PCDHGA4: variants seen among roughly 807,000 people sequenced by gnomAD.
PCDHGA4 encodes protocadherin gamma-A4.
In PCDHGA4, 38 loss-of-function variants were observed where a neutral mutation model predicts 54.6. The ratio of observed to expected loss-of-function variants is 0.70; its 90% CI spans 0.54 to 0.91. PCDHGA4 has a LOEUF of 0.91. Among genes scored for constraint, PCDHGA4 ranks in the 40% least tolerant of loss-of-function variants. PCDHGA4 has a pLI of 0.00. For synonymous variants in PCDHGA4, 511 were observed against 512.9 expected (o/e 1.00, Z 0.05); for missense variants, 1,298 against 1,220.9 (o/e 1.06, Z -0.94).
intron 3 of PCDHGA4, 90 bp from the exon 4 acceptor site, chr5:141,510,857 A>G (rs1184962556): frequency 6.2e-7 from 1 of 1,605,538 alleles, no homozygotes; most frequent in Non-Finnish European, 8.5e-7. Flanking sequence ...AGGGTGCTGT[A>G]TAGGCATTCA....
intron 1 of PCDHGA4, chr5:141,384,514 G>A: frequency 1.2e-6 from 2 of 1,614,194 alleles, no homozygotes; most frequent in Non-Finnish European, 1.7e-6. Flanking sequence ...TGACAGCGGG[G>A]ACCCGCCTCT....
In PCDHGA4 at chr5:141,477,247, T is replaced by C; in HGVS notation, c.2515-17560T>C. On this transcript the variant is annotated intron_variant, in intron 1 of 3. Transcript: ENST00000571252. This position sits in a 1 kb window ranked among gnomAD's most constrained non-coding sequence, Gnocchi z 4.9. ...CTGTCATCGCTTTGCTCAGTGTGAC[T>C]GACCTGGATGCTGGCGAGAACGGGC... The C allele has an allele frequency of 6.2e-7, 1 of 1,614,208 alleles. No individual in the cohort carries two copies. Among genetic ancestry groups the C allele is most frequent in the Non-Finnish European group, 8.5e-7 (1 of 1,180,040 alleles).
chr5:141,429,232 G>T (rs938585192), intron 1 of PCDHGA4: 2 of 151,668 alleles, frequency 1.3e-5, no homozygotes, highest in Non-Finnish European at 2.9e-5. Flanking sequence ...TTATGATACT[G>T]CTGTCATTGA....
At chr5:141,484,863 G>T (rs561595169) in intron 1 of PCDHGA4, 136 of 273,782 alleles carry the variant, frequency 5.0e-4, no homozygotes, top group African/African-American at 2.8e-3. Context: ...GGGGGTGGGG[G>T]AGCGTGGAGG....
At chr5:141,499,025 GAAGA>G (rs1309889371) in intron 2 of PCDHGA4, among the ~76,000 whole-genome samples, 11 of 140,712 alleles carry the variant, frequency 7.8e-5, no homozygotes, top group African/African-American at 2.6e-4. Flanking sequence ...AGGAAGGAAG[GAAGA>G]AAAGAAAGAA....
intron 1 of PCDHGA4, chr5:141,388,223 A>G: frequency 6.2e-7 from 1 of 1,602,840 alleles, no homozygotes; most frequent in Non-Finnish European, 8.5e-7. Context: ...CTGAAAATCC[A>G]CTGAACTTTT....
rs1289890545 is a variant in PCDHGA4, at chr5:141,414,874, C to T, written c.2514+57253C>T. ...CCAGAACGACAATGCGCCCGAGATC[C>T]TGTACCCCGCCCTCCCCACAGACGG... is the stretch of plus-strand genomic sequence containing the variant. On this transcript the variant is annotated intron_variant, in intron 1 of 3. Transcript: ENST00000571252. 3.7e-6 allele frequency: 6 copies of T among 1,614,136 alleles called. No individual in the cohort carries two copies. The African/African-American group carries it at 8.0e-5, about 22-fold the overall frequency.
At chr5:141,470,469 A>T (rs1423801455) in intron 1 of PCDHGA4, among the ~76,000 whole-genome samples, 1 of 152,194 alleles carries the variant, frequency 6.6e-6, no homozygotes, top group Non-Finnish European at 1.5e-5. Context: ...ATTTTCTGAT[A>T]TTACTAACCC....
chr5:141,472,602 T>A (rs1032061805), intron 1 of PCDHGA4, among the ~76,000 whole-genome samples: 1 of 152,026 alleles, frequency 6.6e-6, no homozygotes, highest in South Asian at 2.1e-4. Context: ...CTTGAAATTA[T>A]AAAACAAAGA....
chr5:141,383,004 G>A, intron 1 of PCDHGA4: 1 of 1,613,698 alleles, frequency 6.2e-7, no homozygotes, highest in Non-Finnish European at 8.5e-7. Flanking sequence ...TCTACTCCGT[G>A]TCGGAGGAGA....
chr5:141,393,450 A>G, intron 1 of PCDHGA4: 1 of 1,614,028 alleles, frequency 6.2e-7, no homozygotes, highest in Non-Finnish European at 8.5e-7. Context: ...CCTGGTCCTC[A>G]CGGCCTCGGA....
rs369793035 is a variant in PCDHGA4, at chr5:141,408,762, A to T, written c.2514+51141A>T. 57 of 1,610,942 alleles carry T rather than the reference A, an allele frequency of 3.5e-5. No homozygotes were observed. The highest frequency in any genetic ancestry group is 4.6e-5 in the Non-Finnish European group (54 of 1,178,454). On this transcript the variant is annotated intron_variant, in intron 1 of 3. Transcript: ENST00000571252. ...TCATTAATGGTTAGAGTTAATTCCG[A>T]TGGTGGCAAATACCCAGAGTTATCT...
At chr5:141,478,850 A>T in intron 1 of PCDHGA4, 1 of 1,376,726 alleles carries the variant, frequency 7.3e-7, no homozygotes, top group South Asian at 1.5e-5. Context: ...AAGCTAAAAC[A>T]CAAGATCTCA....
At chr5:141,405,603 T>A in intron 1 of PCDHGA4, 1 of 571,444 alleles carries the variant, frequency 1.7e-6, no homozygotes, top group Non-Finnish European at 3.1e-6. Flanking sequence ...CCAAGTAGAA[T>A]AACTGGGACT....
At chr5:141,362,024 G>T (rs987930042) in intron 1 of PCDHGA4, 2 of 1,608,122 alleles carry the variant, frequency 1.2e-6, no homozygotes, top group African/African-American at 1.3e-5. Flanking sequence ...CGCACAGCGC[G>T]TGCCTTGGGC....
intron 1 of PCDHGA4, among the ~76,000 whole-genome samples, chr5:141,465,538 A>AT (rs2099105284): frequency 6.6e-6 from 1 of 152,112 alleles, no homozygotes; most frequent in Non-Finnish European, 1.5e-5. Context: ...TTTCCCAGGC[A>AT]TTTTTTCTGC....
rs1338008428 is a variant in PCDHGA4 at position 141,374,930 on chromosome 5, A to G, written c.2514+17309A>G. The G allele has an allele frequency of 3.1e-6, 5 of 1,613,868 alleles. No homozygotes were observed. Among genetic ancestry groups the G allele is most frequent in the African/African-American group, 1.3e-5 (1 of 74,948 alleles). ...CGGGGAAGTAACTTATTCCTTTGTG[A>G]AGATTACAGAAAAGATCTCACAAAT... is the stretch of plus-strand genomic sequence containing the variant. On this transcript the variant is annotated intron_variant, in intron 1 of 3. Transcript: ENST00000571252.
At chr5:141,414,629 G>T in intron 1 of PCDHGA4, 1 of 1,614,000 alleles carries the variant, frequency 6.2e-7, no homozygotes. Context: ...GACCCGGACA[G>T]CAAAGAGAAT....
At position 141,489,657 on chromosome 5, in the gene PCDHGA4, G is replaced by T. The variant is rs755618175; in HGVS notation, c.2515-5150G>T. 6.2e-7 allele frequency: 1 copy of T among 1,614,198 alleles called. No individual in the cohort carries two copies. Among genetic ancestry groups the T allele is most frequent in the Admixed American group, 1.7e-5 (1 of 60,030 alleles). ...CTAGCTTTGCCACCCCTGAGCGAGA[G>T]ATGCGCATCTCAGAATCAGCAGCAT... On this transcript the variant is annotated intron_variant, in intron 1 of 3. Coordinates refer to ENST00000571252, the MANE Select transcript of PCDHGA4 (RefSeq NM_018917.4). This position sits in a 1 kb window ranked among gnomAD's most constrained non-coding sequence, Gnocchi z 4.5.
Sources: gnomAD v4.1 joint callset for allele counts (sites outside exome capture counted in the v4.1 genomes callset) on GRCh38, gnomAD v4.1.1 for gene constraint, Gnocchi (gnomAD v3.1) non-coding constraint, MANE v1.5 for transcripts, NCBI Gene and HGNC (gene_info 2026-07-23, HGNC 2026-07-21) for gene names.